Variants in ADAMTS17 observed in about 807,000 individuals in gnomAD.
The protein encoded by ADAMTS17 is ADAM metallopeptidase with thrombospondin type 1 motif 17.
Under a neutral mutation model 141.5 loss-of-function variants are expected in ADAMTS17, and 113 were observed. That is an observed-to-expected ratio of 0.80 (90% CI 0.69 to 0.93). The LOEUF (loss-of-function observed/expected upper bound fraction) is 0.93. Among genes scored for constraint, ADAMTS17 ranks in the 40% least tolerant of loss-of-function variants. The pLI is 0.00. For synonymous variants in ADAMTS17, 768 were observed against 630.6 expected (o/e 1.22, Z -3.27); for missense variants, 1,659 against 1,517.9 (o/e 1.09, Z -1.54).
chr15:100,159,841 T>C (rs1208556325), intron 8 of ADAMTS17, among the ~76,000 whole-genome samples: 3 of 152,234 alleles, frequency 2.0e-5, no homozygotes, highest in South Asian at 2.1e-4. Context: ...AAGGCCTTCA[T>C]TGTATCAACG....
intron 3 of ADAMTS17, among the ~76,000 whole-genome samples, chr15:100,314,323 T>C (rs572793844): frequency 2.0e-5 from 3 of 152,358 alleles, no homozygotes; most frequent in Middle Eastern, 3.4e-3. Flanking sequence ...GCAAATGGCG[T>C]ATTAGATAAC....
At chr15:100,229,002 A>G (rs935902031) in intron 7 of ADAMTS17, among the ~76,000 whole-genome samples, 2 of 152,196 alleles carry the variant, frequency 1.3e-5, no homozygotes, top group Non-Finnish European at 2.9e-5. Flanking sequence ...GGATCATTCT[A>G]AGGTGAAACA....
At chr15:100,233,513 T>C (rs577786607) in intron 7 of ADAMTS17, among the ~76,000 whole-genome samples, 2 of 152,216 alleles carry the variant, frequency 1.3e-5, no homozygotes, top group Non-Finnish European at 2.9e-5. Flanking sequence ...GAAAAATATG[T>C]TTAAATGTTT....
intron 17 of ADAMTS17, among the ~76,000 whole-genome samples, chr15:100,049,978 G>C (rs2032015057): frequency 1.3e-5 from 2 of 152,170 alleles, no homozygotes; most frequent in South Asian, 2.1e-4. Flanking sequence ...TTTGGGAAGA[G>C]TGACAATAAA....
At chr15:100,062,759 G>C (rs1297713056) in intron 15 of ADAMTS17, among the ~76,000 whole-genome samples, 2 of 152,198 alleles carry the variant, frequency 1.3e-5, no homozygotes, top group Non-Finnish European at 2.9e-5. Flanking sequence ...TTGCAACACA[G>C]GCTGAGAGAT....
In ADAMTS17 at chr15:99,973,731, G is replaced by A. The variant is rs76681073; in HGVS notation, c.*671C>T. ...CTCTCTTGGAACATTCTTCCCATGC[G>A]GGTGGTATGAACTGCGTGGCACTGC... is the stretch of plus-strand genomic sequence containing the variant. On this transcript the variant is annotated 3_prime_UTR_variant, in exon 22 of 22. Transcript: ENST00000268070. 215 of 156,584 alleles carry A rather than the reference G, an allele frequency of 1.4e-3. 3 individuals carry two copies. The East Asian group carries it at 0.03, about 22-fold the overall frequency. 9.7% of individuals were successfully genotyped at this position (156,584 alleles called of 1,614,324 possible). A position where few individuals can be genotyped will look rare whatever the true frequency, so the allele number is the denominator to read the frequency against.
chr15:100,000,547 CTT>C (rs1476810531), intron 18 of ADAMTS17, among the ~76,000 whole-genome samples: 1 of 152,156 alleles, frequency 6.6e-6, no homozygotes, highest in African/African-American at 2.4e-5. Context: ...GAGTTTCGCT[CTT>C]GTCACCCAGG....
At chr15:100,221,811 C>T (rs376315089) in intron 7 of ADAMTS17, among the ~76,000 whole-genome samples, 94 of 152,314 alleles carry the variant, frequency 6.2e-4, no homozygotes, top group African/African-American at 2.2e-3. Flanking sequence ...ACTTCTGCTC[C>T]TCTTAACAGG....
At chr15:100,012,163 CAT>C (rs540843546) in intron 18 of ADAMTS17, among the ~76,000 whole-genome samples, 5 of 152,294 alleles carry the variant, frequency 3.3e-5, no homozygotes, top group Middle Eastern at 3.4e-3. Flanking sequence ...GCATTGTTTT[CAT>C]ATGTTTGTTG....
At chr15:100,154,259 C>T (rs193233262) in intron 9 of ADAMTS17, among the ~76,000 whole-genome samples, 1 of 152,288 alleles carries the variant, frequency 6.6e-6, no homozygotes, top group East Asian at 1.9e-4. Flanking sequence ...AAGGGGCTTA[C>T]AGCATTTCCT....
chr15:99,983,168 C>T (rs1048647914), intron 20 of ADAMTS17, among the ~76,000 whole-genome samples: 6 of 152,170 alleles, frequency 3.9e-5, no homozygotes, highest in Admixed American at 3.9e-4. Flanking sequence ...CAGTCACCGT[C>T]GCAGCAGGGC....
At position 100,303,879 on chromosome 15, in the gene ADAMTS17, C is replaced by T. The variant is rs148538326; in HGVS notation, c.617-22478G>A. Among the ~76,000 whole-genome samples the T allele has an allele frequency of 1.0e-2, 1,518 of 152,160 alleles. 27 individuals are homozygous for T. Among genetic ancestry groups the T allele is most frequent in the African/African-American group, 0.032 (1,317 of 41,502 alleles). On this transcript the variant is annotated intron_variant, in intron 3 of 21. Transcript: ENST00000268070. ...TTGGGACTACAGGTGCATGCCGCCACGCCCGGCTAATTTTTTGTATTTTTA... is the reference window on the plus strand; with the variant it reads ...TTGGGACTACAGGTGCATGCCGCCATGCCCGGCTAATTTTTTGTATTTTTA...
At chr15:100,184,262 AAGACTGTGGAAAGCTCC>A (rs71852281) in intron 8 of ADAMTS17, among the ~76,000 whole-genome samples, 10,006 of 150,930 alleles carry the variant, frequency 0.066, 486 homozygotes, top group East Asian at 0.18. Context: ...TTTTATGTCT[AAGACTGTGGAAAGCTCC>A]AGACTGTGGA....
At chr15:100,173,609 TA>T (rs2040235931) in intron 8 of ADAMTS17, among the ~76,000 whole-genome samples, 1 of 152,244 alleles carries the variant, frequency 6.6e-6, no homozygotes, top group East Asian at 1.9e-4. Flanking sequence ...AACTTTGGAA[TA>T]AAAAGTCGCT....
chr15:100,320,297 G>A (rs1051209089), intron 3 of ADAMTS17, among the ~76,000 whole-genome samples: 1 of 152,196 alleles, frequency 6.6e-6, no homozygotes, highest in African/African-American at 2.4e-5. Flanking sequence ...GTCTCCACGA[G>A]AGGGAGGCTG....
chr15:100,337,031 G>A (rs1490079297), intron 2 of ADAMTS17, among the ~76,000 whole-genome samples: 2 of 152,088 alleles, frequency 1.3e-5, no homozygotes, highest in Non-Finnish European at 2.9e-5. Flanking sequence ...CCACCACCAT[G>A]CCCAGCTAAT....
At chr15:100,308,421 G>A (rs1438570765) in intron 3 of ADAMTS17, among the ~76,000 whole-genome samples, 2 of 152,180 alleles carry the variant, frequency 1.3e-5, no homozygotes, top group Non-Finnish European at 2.9e-5. Context: ...TCACTCGCTG[G>A]TAGAATCCTC....
chr15:100,005,989 CCA>C, intron 18 of ADAMTS17, among the ~76,000 whole-genome samples: 1 of 152,124 alleles, frequency 6.6e-6, no homozygotes, highest in Non-Finnish European at 1.5e-5. Context: ...CTGCATCTTC[CCA>C]CAGTGTCCTC....
At chr15:100,250,453 G>A (rs1010816581) in intron 7 of ADAMTS17, among the ~76,000 whole-genome samples, 7 of 152,130 alleles carry the variant, frequency 4.6e-5, no homozygotes, top group Admixed American at 1.3e-4. Context: ...TCCATTCTGC[G>A]CAATCAAAAC....
Sources: allele counts gnomAD v4.1 joint callset (sites outside exome capture counted in the v4.1 genomes callset), GRCh38; gene constraint gnomAD v4.1.1; transcripts MANE v1.5; gene names NCBI Gene and HGNC (gene_info 2026-07-23, HGNC 2026-07-21).